The following CIT variants were observed in gnomAD, a reference collection of about 807,000 sequenced individuals.
CIT encodes the protein citron Rho-interacting kinase.
A neutral mutation model predicts 272.7 loss-of-function variants in CIT; 79 were observed. The observed-to-expected ratio is 0.29, with a 90% CI of 0.24 to 0.35. The LOEUF is 0.35. Among genes scored for constraint, CIT ranks in the 10% least tolerant of loss-of-function variants. CIT has a pLI of 1.00. For missense variants in CIT, 1,909 were observed against 2,618.3 expected (o/e 0.73, Z 5.91); for synonymous variants, 948 against 995.6 (o/e 0.95, Z 0.90).
chr12:119,763,886 C>T lies in CIT; in HGVS notation c.2305-2831G>A, dbSNP rs375943868. Among the ~76,000 whole-genome samples, 6 of 152,316 alleles carry T rather than the reference C, an allele frequency of 3.9e-5. No homozygotes were observed. In the East Asian group the frequency reaches 7.7e-4, roughly 20 times the overall value. On this transcript the variant is annotated intron_variant, in intron 19 of 47. Coordinates refer to ENST00000392521, the MANE Select transcript of CIT (RefSeq NM_001206999.2). ...CCATTTCTAATAGCATAGTGGGCTACATGTCAGGCCAGCCCTTCTCTTGAA... is the reference window on the plus strand; with the variant it reads ...CCATTTCTAATAGCATAGTGGGCTATATGTCAGGCCAGCCCTTCTCTTGAA...
chr12:119,761,019 T>C lies in CIT; in HGVS notation c.2341A>G (p.Lys781Glu), dbSNP rs752978668. 1 of 1,614,174 alleles carries C rather than the reference T, an allele frequency of 6.2e-7. No homozygotes were observed. The highest frequency in any genetic ancestry group is 1.1e-5 in the South Asian group (1 of 91,078). Reference sequence around the variant, plus strand: ...TGCATCATGTTCTCCAGTGTCTCCTTGTCAGCCAGGTCTTTCTTTATCTGA... The same window carrying C: ...TGCATCATGTTCTCCAGTGTCTCCTCGTCAGCCAGGTCTTTCTTTATCTGA... Reference protein sequence around the residue: ...DNQIKKDLADKETLENMMQRH... With the variant: ...DNQIKKDLADEETLENMMQRH... The change falls in exon 20 of 48, where the codon AAG becomes GAG. Residue 781 changes from lysine (K) to glutamate (E), a missense_variant. Lys to Glu is a moderately conservative substitution (Grantham distance 56). Transcript: ENST00000392521.
Position 119,712,266 on chromosome 12 carries a change from C to T in CIT, c.4766G>A (p.Ser1589Asn), listed in dbSNP as rs746596678. The stretch of plus-strand genomic sequence containing the variant: ...GACCCAGCGCTGTTTGTCAGGGAAG[C>T]TGGGAGCTAGCAAGTAGAGGGTTCT... ...PGRTLYLLAPSFPDKQRWVTA... is the reference protein window; with the variant it reads ...PGRTLYLLAPNFPDKQRWVTA... The change falls in exon 37 of 48, where the codon AGC (serine) becomes AAC (asparagine). Residue 1589 changes from serine to asparagine, a missense_variant. This residue lies in a region of CIT where 780 missense variants were observed against 1,067.2 expected (regional missense o/e 0.73). Transcript: ENST00000392521. The surrounding 1 kb of genome is among the most constrained non-coding windows in gnomAD (Gnocchi z 5.2). The T allele has an allele frequency of 1.2e-6, 2 of 1,614,014 alleles. No individual in the cohort carries two copies. The highest frequency in any genetic ancestry group is 4.5e-5 in the East Asian group (2 of 44,886).
intron 3 of CIT, among the ~76,000 whole-genome samples, chr12:119,868,067 G>A (rs866809353): frequency 6.6e-6 from 1 of 152,026 alleles, no homozygotes; most frequent in Non-Finnish European, 1.5e-5. Flanking sequence ...TATCTCTACA[G>A]AGAAAAAAGC....
At chr12:119,789,420 C>G (rs1356659185) in intron 10 of CIT, among the ~76,000 whole-genome samples, 1 of 152,156 alleles carries the variant, frequency 6.6e-6, no homozygotes, top group South Asian at 2.1e-4. Context: ...AAACAACGTA[C>G]AGGTATTAGA....
chr12:119,773,138 C>CT (rs1460804765), intron 16 of CIT, among the ~76,000 whole-genome samples: 1 of 151,826 alleles, frequency 6.6e-6, no homozygotes, highest in South Asian at 2.1e-4. Context: ...CTAAGGTGCA[C>CT]TTTTTTTAAC....
chr12:119,853,693 C>T (rs565079547), intron 4 of CIT, among the ~76,000 whole-genome samples: 2 of 152,104 alleles, frequency 1.3e-5, no homozygotes, highest in African/African-American at 4.8e-5. Context: ...TTGGGAAACA[C>T]CAACATAACC....
At chr12:119,782,133 T>C (rs1964349210) in intron 13 of CIT, 1 of 154,632 alleles carries the variant, frequency 6.5e-6, no homozygotes, top group African/African-American at 2.4e-5. Context: ...TCATGAAATA[T>C]TGTTTTACTT....
chr12:119,799,936 A>C (rs764688241), intron 10 of CIT, among the ~76,000 whole-genome samples: 46 of 152,086 alleles, frequency 3.0e-4, no homozygotes, highest in Non-Finnish European at 5.7e-4. Context: ...GGAAGCCAAA[A>C]GATTGGACAC....
intron 3 of CIT, among the ~76,000 whole-genome samples, chr12:119,865,039 T>G (rs1416776090): frequency 6.6e-6 from 1 of 152,130 alleles, no homozygotes; most frequent in African/African-American, 2.4e-5. Flanking sequence ...AAACAAAGCT[T>G]ACATTCCAAA....
rs1955846984 is a variant in CIT at position 119,690,050 on chromosome 12, G to C, written c.6186+101C>G. ...TCGCAAAGTCTGAATTACAGTCATG[G>C]AGTTCCTTTTTTAAACAACAGTGGC... On this transcript the variant is annotated intron_variant, in intron 47 of 47. Coordinates refer to ENST00000392521, the MANE Select transcript of CIT (RefSeq NM_001206999.2). This position sits in a 1 kb window ranked among gnomAD's most constrained non-coding sequence, Gnocchi z 6.0. 1 of 1,120,404 alleles carries C rather than the reference G, an allele frequency of 8.9e-7. No homozygotes were observed. The highest frequency in any genetic ancestry group is 1.2e-6 in the Non-Finnish European group (1 of 849,432). The allele number at this position is 1,120,404 out of a possible 1,614,324, so 69.4% of individuals were successfully genotyped here.
chr12:119,689,936 C>T (rs940272083), intron 47 of CIT, among the ~76,000 whole-genome samples: 1 of 152,176 alleles, frequency 6.6e-6, no homozygotes, highest in African/African-American at 2.4e-5. Flanking sequence ...GCCTCGGCCT[C>T]CCAAAGTGCT....
intron 9 of CIT, among the ~76,000 whole-genome samples, chr12:119,818,987 G>C (rs1967449620): frequency 6.6e-6 from 1 of 152,180 alleles, no homozygotes; most frequent in Non-Finnish European, 1.5e-5. Flanking sequence ...CCAAAGGCAT[G>C]AAAGAGGAGC....
At chr12:119,861,820 C>T (rs1211028061) in intron 3 of CIT, among the ~76,000 whole-genome samples, 2 of 152,108 alleles carry the variant, frequency 1.3e-5, no homozygotes, top group African/African-American at 4.8e-5. Flanking sequence ...ACTGTTGTAA[C>T]ACAAAAATAA....
In CIT at chr12:119,782,584, G is replaced by A. The variant is rs762803727; in HGVS notation, c.1599C>T (p.Asp533=). Residue 533 remains aspartate, a synonymous_variant, in exon 13 of 48, where the codon GAC becomes GAT. Coordinates refer to ENST00000392521, the MANE Select transcript of CIT (RefSeq NM_001206999.2). ...TATCATGGAGAAGCTGCAGTGCTTT[G>A]TCATCCTCCTGGGACACCTCCATCC... ...QARMEVSQED[D]KALQLLHDIR... 1 of 1,614,184 alleles carries A rather than the reference G, an allele frequency of 6.2e-7. No homozygotes were observed. Among genetic ancestry groups the A allele is most frequent in the Non-Finnish European group, 8.5e-7 (1 of 1,180,038 alleles).
In CIT at chr12:119,728,450, T is replaced by A. The variant is rs1376195670; in HGVS notation, c.3591+52A>T. On this transcript the variant is annotated intron_variant, in intron 28 of 47. Transcript: ENST00000392521. The surrounding 1 kb of genome is among the most constrained non-coding windows in gnomAD (Gnocchi z 4.3). Reference sequence around the variant, plus strand: ...GCTGCTCCAAAAAAAAGAAGCCTATTAAAAGAAAAAAAAAATCCACTTGGC... The same window carrying A: ...GCTGCTCCAAAAAAAAGAAGCCTATAAAAAGAAAAAAAAAATCCACTTGGC... 3.2e-6 allele frequency: 4 copies of A among 1,238,050 alleles called. No individual in the cohort carries two copies. Among genetic ancestry groups the A allele is most frequent in the Non-Finnish European group, 3.5e-6 (3 of 864,928 alleles). 76.7% of individuals were successfully genotyped at this position (1,238,050 alleles called of 1,614,324 possible).
At chr12:119,823,800 G>C (rs544378824) in intron 8 of CIT, among the ~76,000 whole-genome samples, 11 of 152,014 alleles carry the variant, frequency 7.2e-5, no homozygotes, top group Non-Finnish European at 1.2e-4. Context: ...AATACTTTGG[G>C]AGGCCGAGGC....
chr12:119,812,163 G>T (rs1392918241), intron 9 of CIT, among the ~76,000 whole-genome samples: 3 of 151,978 alleles, frequency 2.0e-5, no homozygotes, highest in Non-Finnish European at 2.9e-5. Flanking sequence ...GGCCAGGCTG[G>T]TCTCGAACTT....
chr12:119,730,533 T>C lies in CIT; in HGVS notation c.3448A>G (p.Lys1150Glu). ...AEILALQQAL[K>E]EQKLKAESLS... Reference sequence around the variant, plus strand: ...CTCTCGGCCTTCAGCTTCTGCTCTTTGAGAGCCTGCTGCAGAGCGAGAATC... The same window carrying C: ...CTCTCGGCCTTCAGCTTCTGCTCTTCGAGAGCCTGCTGCAGAGCGAGAATC... The change falls in exon 27 of 48, where the codon AAA becomes GAA. Residue 1150 changes from lysine to glutamate, a missense_variant. By Grantham distance (56) the Lys-to-Glu change is moderately conservative. This residue lies in a region of CIT where 530 missense variants were observed against 822.4 expected (regional missense o/e 0.64). Coordinates refer to ENST00000392521, the MANE Select transcript of CIT (RefSeq NM_001206999.2). 1.2e-6 allele frequency: 2 copies of C among 1,614,062 alleles called. No homozygotes were observed. Among genetic ancestry groups the C allele is most frequent in the East Asian group, 4.5e-5 (2 of 44,868 alleles).
chr12:119,729,217 C>A (rs1215697822), intron 27 of CIT, among the ~76,000 whole-genome samples: 1 of 152,158 alleles, frequency 6.6e-6, no homozygotes, highest in Non-Finnish European at 1.5e-5. Context: ...AAAGGCCTCA[C>A]ATAGCTCTAA....
Sources: allele counts gnomAD v4.1 joint callset (sites outside exome capture counted in the v4.1 genomes callset), GRCh38; gene constraint gnomAD v4.1.1; regional missense constraint gnomAD v4.1.1; non-coding constraint Gnocchi (gnomAD v3.1); transcripts MANE v1.5; gene names NCBI Gene and HGNC (gene_info 2026-07-23, HGNC 2026-07-21).